The following XKR4 variants were observed in gnomAD, a reference collection of about 807,000 sequenced individuals.
The protein encoded by XKR4 is XK-related protein 4.
Under a neutral mutation model 53.9 loss-of-function variants are expected in XKR4, and 12 were observed. That is an observed-to-expected ratio of 0.22 (90% CI 0.14 to 0.36). The LOEUF (loss-of-function observed/expected upper bound fraction) is 0.36, where lower values mean the gene tolerates loss of function less well. Ranked by LOEUF, XKR4 falls within the 10% of genes least tolerant of loss-of-function variation. The pLI is 1.00. For missense variants in XKR4, 799 were observed against 859.5 expected, an observed-to-expected ratio of 0.93 and a Z score of 0.88; for synonymous variants, 354 against 362.4, an observed-to-expected ratio of 0.98 and a Z score of 0.26.
rs1804784816 is a variant in XKR4, at chr8:55,411,996, G to A, written c.1006+54119G>A. 2.0e-5 allele frequency among the ~76,000 whole-genome samples: 3 copies of A among 152,194 alleles called. No homozygotes were observed. The South Asian group carries it at 6.2e-4, about 31-fold the overall frequency. ...AAATCATGTATGGAAACTATTCAAGGAAACATTATGCCACTTTTTAACCTC... is the reference window on the plus strand; with the variant it reads ...AAATCATGTATGGAAACTATTCAAGAAAACATTATGCCACTTTTTAACCTC... On this transcript the variant is annotated intron_variant, in intron 2 of 2. Coordinates refer to ENST00000327381, the MANE Select transcript of XKR4 (RefSeq NM_052898.2).
intron 2 of XKR4, among the ~76,000 whole-genome samples, chr8:55,391,228 G>A (rs533429887): frequency 1.3e-5 from 2 of 152,290 alleles, no homozygotes; most frequent in South Asian, 4.1e-4. Context: ...AGTTACAGGT[G>A]CATTCTTCCC....
chr8:55,213,269 G>A (rs1817753877), intron 1 of XKR4, among the ~76,000 whole-genome samples: 1 of 152,156 alleles, frequency 6.6e-6, no homozygotes, highest in African/African-American at 2.4e-5. Flanking sequence ...TTGGTGGGTA[G>A]GGGTCAGAGG....
intron 2 of XKR4, chr8:55,452,347 C>A: frequency 1.6e-6 from 1 of 629,876 alleles, no homozygotes; most frequent in Non-Finnish European, 2.9e-6. Flanking sequence ...TTCTCCCCCA[C>A]CAGGGGGTCT....
intron 1 of XKR4, among the ~76,000 whole-genome samples, chr8:55,224,724 C>T (rs577651356): frequency 1.3e-5 from 2 of 152,226 alleles, no homozygotes; most frequent in East Asian, 3.9e-4. Flanking sequence ...TGTAGAACTT[C>T]CTAAACTCAT....
intron 1 of XKR4, among the ~76,000 whole-genome samples, chr8:55,219,193 T>C (rs1175486937): frequency 1.3e-5 from 2 of 152,218 alleles, no homozygotes; most frequent in Non-Finnish European, 2.9e-5. Context: ...ATGCCTAAGG[T>C]ACCTGTCAAA....
intron 2 of XKR4, among the ~76,000 whole-genome samples, chr8:55,391,047 A>G (rs967198376): frequency 6.6e-6 from 1 of 152,214 alleles, no homozygotes; most frequent in African/African-American, 2.4e-5. Flanking sequence ...AATGGTTTGC[A>G]TTCCTTACAA....
intron 1 of XKR4, among the ~76,000 whole-genome samples, chr8:55,136,170 G>C (rs957933135): frequency 6.6e-6 from 1 of 152,128 alleles, no homozygotes; most frequent in Admixed American, 6.5e-5. Context: ...GGGATTACAC[G>C]TGTGAGCCAC....
In XKR4 at chr8:55,222,969, A is replaced by C. The variant is rs567186491; in HGVS notation, c.806+119675A>C. On this transcript the variant is annotated intron_variant, in intron 1 of 2. Coordinates refer to ENST00000327381, the MANE Select transcript of XKR4 (RefSeq NM_052898.2). ...TCATGAGGTTGAGTTGGCTCCAGTCACTGTTCAGATTCCCAGAAAAGAGCA... is the reference window on the plus strand; with the variant it reads ...TCATGAGGTTGAGTTGGCTCCAGTCCCTGTTCAGATTCCCAGAAAAGAGCA... Among the ~76,000 whole-genome samples the C allele has an allele frequency of 8.6e-4, 131 of 152,256 alleles. 1 individual carries two copies. Among genetic ancestry groups the C allele is most frequent in the Middle Eastern group, 3.4e-3 (1 of 294 alleles).
In XKR4 at chr8:55,141,832, T is replaced by C. The variant is rs139461600; in HGVS notation, c.806+38538T>C. Among the ~76,000 whole-genome samples, 326 of 152,090 alleles carry C rather than the reference T, an allele frequency of 2.1e-3. 2 individuals carry two copies. The East Asian group carries it at 0.027, about 12-fold the overall frequency. On this transcript the variant is annotated intron_variant, in intron 1 of 2. Coordinates refer to ENST00000327381, the MANE Select transcript of XKR4 (RefSeq NM_052898.2). ...AGAAAATGAGTTGACTTGGACTGAA[T>C]TGGGGCTTTGAATCAAGCAGCTCTA...
In XKR4 at chr8:55,526,703, GTCAA is replaced by G. The variant is rs1806887142; in HGVS notation, c.*2485_*2488del. On this transcript the variant is annotated 3_prime_UTR_variant, in exon 3 of 3. Transcript: ENST00000327381. ...AAATCACAGATTACAGTCTAATAGA[GTCAA>G]TCAATCAACACAAACCCAACAGGCC... 1 of 152,176 alleles carries G rather than the reference GTCAA, an allele frequency of 6.6e-6. No homozygotes were observed. Among genetic ancestry groups the G allele is most frequent in the African/African-American group, 2.4e-5 (1 of 41,434 alleles). The allele number at this position is 152,176 out of a possible 1,614,324, so 9.4% of individuals were successfully genotyped here.
At chr8:55,450,940 A>G in intron 2 of XKR4, 1 of 491,342 alleles carries the variant, frequency 2.0e-6, no homozygotes, top group Non-Finnish European at 3.8e-6. Flanking sequence ...TCCTCCAGCA[A>G]GCGCAGGAAG....
At chr8:55,289,677 G>GAGAAAGAAAGAAAGAA (rs1554516151) in intron 1 of XKR4, among the ~76,000 whole-genome samples, 6 of 125,068 alleles carry the variant, frequency 4.8e-5, no homozygotes, top group Non-Finnish European at 8.0e-5. Flanking sequence ...AGAAAAGAAA[G>GAGAAAGAAAGAAAGAA]AGAAAGAAAG....
At chr8:55,439,200 A>C (rs925940997) in intron 2 of XKR4, among the ~76,000 whole-genome samples, 2 of 152,220 alleles carry the variant, frequency 1.3e-5, no homozygotes, top group African/African-American at 4.8e-5. Context: ...AAGTAATTGA[A>C]TGTACCATGG....
At chr8:55,146,934 T>TAGCAG (rs1435212715) in intron 1 of XKR4, among the ~76,000 whole-genome samples, 2 of 152,188 alleles carry the variant, frequency 1.3e-5, no homozygotes, top group Non-Finnish European at 2.9e-5. Context: ...GAGATGCACA[T>TAGCAG]AGCAGCCGAT....
chr8:55,458,527 C>T (rs1805603924), intron 2 of XKR4, among the ~76,000 whole-genome samples: 1 of 152,198 alleles, frequency 6.6e-6, no homozygotes, highest in Non-Finnish European at 1.5e-5. Flanking sequence ...ACACCTGGGA[C>T]CTTGTCCAGC....
At chr8:55,425,837 A>T (rs1204346612) in intron 2 of XKR4, among the ~76,000 whole-genome samples, 3 of 152,178 alleles carry the variant, frequency 2.0e-5, no homozygotes, top group African/African-American at 7.2e-5. Flanking sequence ...GGCTTCTTCA[A>T]ATCCACCCTG....
At chr8:55,217,066 C>T (rs1307111794) in intron 1 of XKR4, among the ~76,000 whole-genome samples, 1 of 151,654 alleles carries the variant, frequency 6.6e-6, no homozygotes, top group Non-Finnish European at 1.5e-5. Flanking sequence ...CATGGTGAAA[C>T]ACTGTCTCTA....
intron 2 of XKR4, among the ~76,000 whole-genome samples, chr8:55,474,005 C>A (rs1292066450): frequency 6.6e-6 from 1 of 151,958 alleles, no homozygotes; most frequent in Non-Finnish European, 1.5e-5. Flanking sequence ...ACCTGGGCTC[C>A]AGTGATCTCC....
Position 55,452,727 on chromosome 8 carries a change from T to C in XKR4, c.1007-70554T>C, listed in dbSNP as rs773402189. Reference sequence around the variant, plus strand: ...GAAGTGGACCACAGCCCCAGCTACATTGCAGGTCTCTCTGTCCTCAAAGCC... The same window carrying C: ...GAAGTGGACCACAGCCCCAGCTACACTGCAGGTCTCTCTGTCCTCAAAGCC... On this transcript the variant is annotated intron_variant, in intron 2 of 2. Coordinates refer to ENST00000327381, the MANE Select transcript of XKR4 (RefSeq NM_052898.2). The C allele has an allele frequency of 1.7e-5, 17 of 976,340 alleles. No individual in the cohort carries two copies. The Middle Eastern group carries it at 1.9e-3, about 107-fold the overall frequency. The allele number at this position is 976,340 out of a possible 1,614,324, so 60.5% of individuals were successfully genotyped here. A position where few individuals can be genotyped will look rare whatever the true frequency, so the allele number is the denominator to read the frequency against.
Sources: allele counts gnomAD v4.1 joint callset (sites outside exome capture counted in the v4.1 genomes callset), GRCh38; gene constraint gnomAD v4.1.1; transcripts MANE v1.5; gene names NCBI Gene and HGNC (gene_info 2026-07-23, HGNC 2026-07-21).